Variants in DCAF8L2 observed in about 807,000 individuals in gnomAD.
The protein encoded by DCAF8L2 is DDB1 and CUL4 associated factor 8 like 2, also known as DDB1- and CUL4-associated factor 8-like protein 2.
For missense variants in DCAF8L2, 430 were observed against 490.7 expected (o/e 0.88, Z 1.17); for synonymous variants, 200 against 190.9 (o/e 1.05, Z -0.39).
chrX:27,735,179 C>T (rs1665924266), intron 4 of DCAF8L2, among the ~76,000 whole-genome samples: 1 of 111,685 alleles, frequency 9.0e-6, no homozygotes, highest in African/African-American at 3.3e-5. Flanking sequence ...GCTTCTCTTT[C>T]TAACTTTAAA....
chrX:27,498,720 A>G, the DCAF8L2 span, among the ~76,000 whole-genome samples: 3 of 111,892 alleles, frequency 2.7e-5, no homozygotes, highest in African/African-American at 9.7e-5. Context: ...CATTTCCCCT[A>G]TCCTCTACTC....
the DCAF8L2 span, among the ~76,000 whole-genome samples, chrX:27,502,338 ATAT>A: frequency 9.8e-4 from 27 of 27,538 alleles, no homozygotes; most frequent in African/African-American, 1.9e-3. Flanking sequence ...AAAAAAAAAT[ATAT>A]ATATATATAT....
intron 4 of DCAF8L2, among the ~76,000 whole-genome samples, chrX:27,728,602 C>T (rs1277149362): frequency 9.0e-6 from 1 of 111,280 alleles, no homozygotes; most frequent in African/African-American, 3.3e-5. Flanking sequence ...CCAGCCATTC[C>T]GGCCCCTGTG....
chrX:27,601,023 G>A (rs1423337211), intron 1 of DCAF8L2, among the ~76,000 whole-genome samples: 1 of 110,080 alleles, frequency 9.1e-6, no homozygotes, highest in East Asian at 2.9e-4. Context: ...CTGCAGCCTG[G>A]ACTTCCTGGG....
intron 4 of DCAF8L2, among the ~76,000 whole-genome samples, chrX:27,728,093 C>T (rs948687365): frequency 1.8e-5 from 2 of 111,526 alleles, no homozygotes; most frequent in Admixed American, 1.9e-4. Flanking sequence ...TTGGGCTTGC[C>T]TACTAAATTC....
the DCAF8L2 span, among the ~76,000 whole-genome samples, chrX:27,541,936 A>G: frequency 1.8e-5 from 2 of 111,468 alleles, no homozygotes; most frequent in Non-Finnish European, 3.8e-5. Context: ...ACAAATGAGA[A>G]CATGTGGTAT....
the DCAF8L2 span, among the ~76,000 whole-genome samples, chrX:27,581,398 T>C: frequency 8.9e-5 from 10 of 111,808 alleles, no homozygotes; most frequent in African/African-American, 3.3e-4. Flanking sequence ...TAAATACAAG[T>C]ATTAAAGTGA....
the DCAF8L2 span, among the ~76,000 whole-genome samples, chrX:27,488,341 A>G: frequency 1.8e-5 from 2 of 111,726 alleles, no homozygotes; most frequent in African/African-American, 6.5e-5. Flanking sequence ...TAATTGAGTT[A>G]TCTGTGCTCT....
chrX:27,583,461 T>C, the DCAF8L2 span, among the ~76,000 whole-genome samples: 2 of 111,317 alleles, frequency 1.8e-5, no homozygotes, highest in Non-Finnish European at 3.8e-5. Flanking sequence ...GTTGTTTCTT[T>C]ACCCTCTTTT....
chrX:27,475,969 G>C, the DCAF8L2 span, among the ~76,000 whole-genome samples: 10 of 111,243 alleles, frequency 9.0e-5, no homozygotes, highest in Non-Finnish European at 1.7e-4. Context: ...CCTGGGAAGG[G>C]AAACAATTAA....
At chrX:27,478,720 C>T in the DCAF8L2 span, among the ~76,000 whole-genome samples, 1 of 111,521 alleles carries the variant, frequency 9.0e-6, no homozygotes, top group Non-Finnish European at 1.9e-5. Flanking sequence ...GGAAATAAAT[C>T]CTAAGTGATA....
the DCAF8L2 span, among the ~76,000 whole-genome samples, chrX:27,471,744 A>T: frequency 1.8e-5 from 2 of 111,020 alleles, no homozygotes; most frequent in Non-Finnish European, 3.8e-5. Context: ...TTCTGCTCTC[A>T]TCCCACTCCC....
chrX:27,490,877 T>C, the DCAF8L2 span, among the ~76,000 whole-genome samples: 2 of 111,751 alleles, frequency 1.8e-5, no homozygotes, highest in African/African-American at 6.5e-5. Context: ...ATGTCTACTG[T>C]TCCTGTCTGT....
Position 27,707,561 on chromosome X carries a change from A to T in DCAF8L2, c.-142-8527A>T, listed in dbSNP as rs146992215. ...GAAAAATACCAAAAAAGTAATTTGA[A>T]GCTAAATTATAGTTCTGTAAACTAG... On this transcript the variant is annotated intron_variant, in intron 3 of 4. Coordinates refer to ENST00000451261, the MANE Select transcript of DCAF8L2 (RefSeq NM_001353450.2). Among the ~76,000 whole-genome samples, 36 of 112,028 alleles carry T rather than the reference A, an allele frequency of 3.2e-4. No individual in the cohort carries two copies. In the East Asian group the frequency reaches 7.9e-3, roughly 25 times the overall value.
At chrX:27,583,537 T>C in the DCAF8L2 span, among the ~76,000 whole-genome samples, 1 of 111,179 alleles carries the variant, frequency 9.0e-6, no homozygotes, top group East Asian at 2.8e-4. Context: ...CCTGGCCCTC[T>C]GAATCTGGGG....
chrX:27,585,208 C>A, the DCAF8L2 span, among the ~76,000 whole-genome samples: 1 of 111,063 alleles, frequency 9.0e-6, no homozygotes, highest in African/African-American at 3.3e-5. Context: ...CTCATAATAG[C>A]CCCCCATAAT....
intron 1 of DCAF8L2, among the ~76,000 whole-genome samples, chrX:27,605,802 G>A (rs1053886772): frequency 9.0e-6 from 1 of 111,712 alleles, no homozygotes; most frequent in Non-Finnish European, 1.9e-5. Flanking sequence ...AAAATAGTGT[G>A]TAGTGCTCTG....
At chrX:27,600,998 C>T (rs922067636) in intron 1 of DCAF8L2, among the ~76,000 whole-genome samples, 2 of 109,555 alleles carry the variant, frequency 1.8e-5, no homozygotes, top group African/African-American at 6.7e-5. Flanking sequence ...AATGCAGTGA[C>T]GTGATCATAG....
chrX:27,587,985 A>AAAAATATAT, upstream of DCAF8L2, among the ~76,000 whole-genome samples: 105 of 22,329 alleles, frequency 4.7e-3, 1 homozygote, highest in African/African-American at 0.01. Context: ...TAAAAAAAAA[A>AAAAATATAT]ATATATATAT....
Sources: gnomAD v4.1 joint callset for allele counts (sites outside exome capture counted in the v4.1 genomes callset) on GRCh38, gnomAD v4.1.1 for gene constraint, MANE v1.5 for transcripts, NCBI Gene and HGNC (gene_info 2026-07-23, HGNC 2026-07-21) for gene names.